The following ZNF385D variants were observed in gnomAD, a reference collection of about 807,000 sequenced individuals.
ZNF385D encodes the protein zinc finger protein 385D.
In ZNF385D, 15 loss-of-function variants were observed where a neutral mutation model predicts 35.8. The observed-to-expected ratio is 0.42, with a 90% CI of 0.28 to 0.64. ZNF385D has a LOEUF of 0.64. Ranked by LOEUF, ZNF385D falls within the 30% of genes least tolerant of loss-of-function variation. The pLI, the probability that ZNF385D is intolerant of heterozygous loss-of-function variation, is 0.23. For synonymous variants in ZNF385D, 212 were observed against 186.8 expected, an observed-to-expected ratio of 1.13 and a Z score of -1.10; for missense variants, 474 against 494.6, an observed-to-expected ratio of 0.96 and a Z score of 0.39.
chr3:21,827,387 A>T (rs1694708476), intron 3 of ZNF385D, among the ~76,000 whole-genome samples: 1 of 152,196 alleles, frequency 6.6e-6, no homozygotes, highest in Non-Finnish European at 1.5e-5. Context: ...AGTTAAATAG[A>T]TTATTTTAAG....
chr3:22,166,131 G>A (rs1393249714), intron 3 of ZNF385D, among the ~76,000 whole-genome samples: 1 of 152,052 alleles, frequency 6.6e-6, no homozygotes, highest in Non-Finnish European at 1.5e-5. Flanking sequence ...AAACCAATAT[G>A]ACCTAAGATG....
At chr3:21,586,940 TCA>T (rs2063828746) in intron 2 of ZNF385D, among the ~76,000 whole-genome samples, 1 of 152,182 alleles carries the variant, frequency 6.6e-6, no homozygotes, top group Non-Finnish European at 1.5e-5. Flanking sequence ...CTGGAAGACT[TCA>T]AATGAGTGAT....
intron 2 of ZNF385D, among the ~76,000 whole-genome samples, chr3:21,627,576 T>G (rs1575350533): frequency 1.3e-5 from 2 of 152,178 alleles, no homozygotes; most frequent in Admixed American, 1.3e-4. Flanking sequence ...CTTCCTTTAT[T>G]GGGGCTGCTA....
At chr3:21,596,729 C>T (rs1239611145) in intron 2 of ZNF385D, among the ~76,000 whole-genome samples, 1 of 151,756 alleles carries the variant, frequency 6.6e-6, no homozygotes, top group Admixed American at 6.6e-5. Context: ...TCCTCCTGCC[C>T]CAGCCTTCCA....
chr3:22,236,911 CATTTT>C (rs1388197033), intron 2 of ZNF385D, among the ~76,000 whole-genome samples: 1 of 152,126 alleles, frequency 6.6e-6, no homozygotes, highest in African/African-American at 2.4e-5. Context: ...GAATATAGTA[CATTTT>C]ATTTATCTAC....
intron 2 of ZNF385D, among the ~76,000 whole-genome samples, chr3:22,271,583 G>C (rs373198137): frequency 1.3e-5 from 2 of 151,752 alleles, no homozygotes; most frequent in Non-Finnish European, 2.9e-5. Context: ...CCCTTAAGTT[G>C]ATCCCAGCCA....
At chr3:22,312,507 A>T (rs1703619715) in intron 2 of ZNF385D, among the ~76,000 whole-genome samples, 1 of 152,004 alleles carries the variant, frequency 6.6e-6, no homozygotes, top group Non-Finnish European at 1.5e-5. Context: ...TACTCATCTG[A>T]CAAAGGGCTA....
chr3:21,422,453 T>A (rs543515995), intron 7 of ZNF385D, among the ~76,000 whole-genome samples: 6 of 152,256 alleles, frequency 3.9e-5, no homozygotes, highest in African/African-American at 1.4e-4. Flanking sequence ...TTATTTCATC[T>A]CCCAAAATTG....
At chr3:21,480,198 G>T (rs1286745585) in intron 4 of ZNF385D, among the ~76,000 whole-genome samples, 3 of 151,372 alleles carry the variant, frequency 2.0e-5, no homozygotes, top group Admixed American at 1.3e-4. Flanking sequence ...TGCCTCTGGG[G>T]TTCAAGCAAT....
At chr3:21,870,339 C>T (rs763971340) in intron 3 of ZNF385D, among the ~76,000 whole-genome samples, 1 of 152,082 alleles carries the variant, frequency 6.6e-6, no homozygotes, top group Non-Finnish European at 1.5e-5. Context: ...AGATGTTAGC[C>T]CTAAGGTAAA....
intron 3 of ZNF385D, among the ~76,000 whole-genome samples, chr3:21,546,269 T>C (rs963136914): frequency 1.2e-4 from 19 of 152,150 alleles, no homozygotes; most frequent in African/African-American, 4.3e-4. Context: ...GGATGAGTAA[T>C]GTAGGAATCC....
chr3:21,865,659 T>C (rs547478481), intron 3 of ZNF385D, among the ~76,000 whole-genome samples: 48 of 152,254 alleles, frequency 3.2e-4, no homozygotes, highest in African/African-American at 1.1e-3. Flanking sequence ...TCTGTTAAAT[T>C]AGGTGATCTT....
At chr3:22,006,098 T>C (rs1696181364) in intron 3 of ZNF385D, among the ~76,000 whole-genome samples, 2 of 152,110 alleles carry the variant, frequency 1.3e-5, no homozygotes, top group African/African-American at 2.4e-5. Flanking sequence ...CTGGTTCTAA[T>C]TTCATATGAT....
chr3:21,602,822 C>G (rs916105830), intron 2 of ZNF385D, among the ~76,000 whole-genome samples: 12 of 151,992 alleles, frequency 7.9e-5, no homozygotes, highest in African/African-American at 2.9e-4. Context: ...CGTGAGCCAC[C>G]GCGCCCGGCC....
intron 3 of ZNF385D, among the ~76,000 whole-genome samples, chr3:22,119,181 G>A (rs1576350926): frequency 1.3e-5 from 2 of 152,248 alleles, no homozygotes; most frequent in East Asian, 3.9e-4. Flanking sequence ...ACTGGCTTCA[G>A]AAGGAATCTG....
intron 3 of ZNF385D, among the ~76,000 whole-genome samples, chr3:21,787,820 A>G (rs1213835633): frequency 6.6e-6 from 1 of 152,006 alleles, no homozygotes; most frequent in African/African-American, 2.4e-5. Flanking sequence ...TTTTAAAAAA[A>G]GAGAGCAATA....
At chr3:22,140,590 G>T (rs1185918801) in intron 3 of ZNF385D, among the ~76,000 whole-genome samples, 2 of 152,140 alleles carry the variant, frequency 1.3e-5, no homozygotes, top group African/African-American at 2.4e-5. Context: ...GTATACCAAA[G>T]CCAGTTTCCT....
Position 21,772,436 on chromosome 3 carries a change from T to C in ZNF385D, c.326-107408A>G, listed in dbSNP as rs148671994. ...TGGACAAAGAACTTGAATAAATATT[T>C]TTCCAAAGATAATATGCAAATGGTG... is the stretch of plus-strand genomic sequence containing the variant. On this transcript the variant is annotated intron_variant, in intron 3 of 5. Coordinates refer to the ZNF385D transcript ENST00000494108. 2.9e-3 allele frequency among the ~76,000 whole-genome samples: 442 copies of C among 152,044 alleles called. 8 individuals are homozygous for C. Among genetic ancestry groups the C allele is most frequent in the Middle Eastern group, 0.014 (4 of 292 alleles).
chr3:22,007,796 G>A (rs1325762274), intron 3 of ZNF385D, among the ~76,000 whole-genome samples: 4 of 148,858 alleles, frequency 2.7e-5, no homozygotes, highest in African/African-American at 4.9e-5. Flanking sequence ...CTTTTGATAT[G>A]ATATATATAT....
Sources: allele counts gnomAD v4.1 joint callset (sites outside exome capture counted in the v4.1 genomes callset), GRCh38; gene constraint gnomAD v4.1.1; transcripts MANE v1.5; gene names NCBI Gene and HGNC (gene_info 2026-07-23, HGNC 2026-07-21).